The following PUDP variants were observed in gnomAD, a reference collection of about 807,000 sequenced individuals.
PUDP encodes pseudouridine 5'-phosphatase.
PUDP carries 8 observed loss-of-function variants against 9.4 expected under a neutral mutation model. That is an observed-to-expected ratio of 0.85 (90% CI 0.50 to 1.53). The LOEUF (loss-of-function observed/expected upper bound fraction) is 1.53, where lower values mean the gene tolerates loss of function less well. Among genes scored for constraint, PUDP ranks in the 40% most tolerant of loss-of-function variants. The probability of loss-of-function intolerance (pLI) is 0.00; values close to 1 mark genes in which losing one functional copy is unlikely to be tolerated. For missense variants in PUDP, 188 were observed against 189.7 expected (o/e 0.99, Z 0.05); for synonymous variants, 99 against 80.7 (o/e 1.23, Z -1.22).
chrX:6,748,752 T>C (rs1476418460), intron 3 of PUDP, among the ~76,000 whole-genome samples: 1 of 111,194 alleles, frequency 9.0e-6, no homozygotes, highest in South Asian at 3.8e-4. Flanking sequence ...TTTTGAAGAG[T>C]AGTAAATTCT....
chrX:6,763,325 G>T (rs1317360840), intron 3 of PUDP, among the ~76,000 whole-genome samples: 2 of 111,809 alleles, frequency 1.8e-5, no homozygotes, highest in African/African-American at 6.5e-5. Context: ...GGAGGCGGAG[G>T]TTGCAGTGAG....
intron 1 of PUDP, among the ~76,000 whole-genome samples, chrX:6,994,150 T>C (rs1258592152): frequency 8.9e-6 from 1 of 112,040 alleles, no homozygotes; most frequent in Admixed American, 9.4e-5. Flanking sequence ...CAGTGGCCCA[T>C]GTCAATAAAC....
At chrX:6,999,420 G>A (rs1379647978) in intron 1 of PUDP, among the ~76,000 whole-genome samples, 1 of 111,992 alleles carries the variant, frequency 8.9e-6, no homozygotes, top group Non-Finnish European at 1.9e-5. Context: ...AACACCTCAA[G>A]TTAGTATCAC....
intron 3 of PUDP, among the ~76,000 whole-genome samples, chrX:6,807,801 A>C (rs112134139): frequency 0.03 from 3,393 of 112,121 alleles, 128 homozygotes; most frequent in African/African-American, 0.1. Flanking sequence ...ATGAGGACAG[A>C]TATTCAGAAT....
chrX:7,103,061 A>G (rs1007432182), intron 2 of PUDP, among the ~76,000 whole-genome samples: 8 of 111,973 alleles, frequency 7.1e-5, no homozygotes, highest in Admixed American at 1.9e-4. Context: ...GAGCAGAAAC[A>G]GAGAAATACA....
chrX:6,755,828 T>C (rs1925162394), intron 3 of PUDP, among the ~76,000 whole-genome samples: 1 of 108,947 alleles, frequency 9.2e-6, no homozygotes, highest in South Asian at 4.0e-4. Flanking sequence ...AGTGAGAAGA[T>C]AAAGTTGATG....
chrX:7,001,788 A>AT (rs1431963827), intron 1 of PUDP, among the ~76,000 whole-genome samples: 2 of 111,940 alleles, frequency 1.8e-5, no homozygotes, highest in Non-Finnish European at 3.8e-5. Flanking sequence ...CTCAAACTAC[A>AT]TCTCACACTC....
intron 3 of PUDP, among the ~76,000 whole-genome samples, chrX:6,920,861 C>A (rs1395796053): frequency 9.0e-6 from 1 of 111,536 alleles, no homozygotes; most frequent in Admixed American, 9.5e-5. Context: ...TAACTAAGAC[C>A]TGTCTCAAAT....
intron 1 of PUDP, among the ~76,000 whole-genome samples, chrX:7,126,082 A>G (rs994921245): frequency 8.9e-6 from 1 of 112,231 alleles, no homozygotes; most frequent in Non-Finnish European, 1.9e-5. Context: ...GGCAATGTAA[A>G]TCATCATGAA....
intron 1 of PUDP, among the ~76,000 whole-genome samples, chrX:6,992,286 T>A (rs1165708781): frequency 1.1e-5 from 1 of 89,845 alleles, no homozygotes; most frequent in Non-Finnish European, 2.3e-5. Flanking sequence ...TTTTTTTTTT[T>A]TTTTGAGACG....
At chrX:6,934,894 A>G in intron 3 of PUDP, among the ~76,000 whole-genome samples, 1 of 86,508 alleles carries the variant, frequency 1.2e-5, no homozygotes, top group Non-Finnish European at 2.3e-5. Flanking sequence ...GAAGGCCATT[A>G]CATAATGGTA....
At chrX:7,119,968 A>G (rs1932296105) in intron 1 of PUDP, among the ~76,000 whole-genome samples, 1 of 112,119 alleles carries the variant, frequency 8.9e-6, no homozygotes, top group Non-Finnish European at 1.9e-5. Flanking sequence ...ATATGGATAA[A>G]GGGGCTTTCT....
chrX:7,059,155 G>A (rs1239194390), intron 3 of PUDP, among the ~76,000 whole-genome samples: 3 of 111,179 alleles, frequency 2.7e-5, no homozygotes, highest in Admixed American at 1.9e-4. Flanking sequence ...GTTGGGGGGT[G>A]GGCAGGAAAG....
chrX:7,128,861 A>T (rs1373049783), intron 1 of PUDP, among the ~76,000 whole-genome samples: 1 of 112,187 alleles, frequency 8.9e-6, no homozygotes, highest in Non-Finnish European at 1.9e-5. Flanking sequence ...CATCAGATGA[A>T]ACAGCGGGGG....
intron 3 of PUDP, among the ~76,000 whole-genome samples, chrX:6,747,122 T>C (rs752704431): frequency 1.8e-5 from 2 of 111,936 alleles, no homozygotes; most frequent in East Asian, 2.8e-4. Flanking sequence ...CGGGCATGAT[T>C]GGCCGTTTTT....
In PUDP at chrX:7,077,085, C is replaced by G. The variant is rs961115311; in HGVS notation, c.510+135G>C. On this transcript the variant is annotated intron_variant, in intron 3 of 3. Transcript: ENST00000381077. Reference sequence around the variant, plus strand: ...CAGACCATCTCCCTGCCCACATACCCAAGTTCTAGGGAGCATTGCAAAGTG... The same window carrying G: ...CAGACCATCTCCCTGCCCACATACCGAAGTTCTAGGGAGCATTGCAAAGTG... 4.9e-6 allele frequency: 5 copies of G among 1,019,479 alleles called. No homozygotes were observed. The Admixed American group carries it at 1.7e-4, about 34-fold the overall frequency. The allele number at this position is 1,019,479 out of a possible 1,213,427, so 84.0% of individuals were successfully genotyped here. A position where few individuals can be genotyped will look rare whatever the true frequency, so the allele number is the denominator to read the frequency against.
At chrX:7,048,449 T>C (rs144732669), downstream of PUDP, among the ~76,000 whole-genome samples, 596 of 112,382 alleles carry the variant, frequency 5.3e-3, 2 homozygotes, top group African/African-American at 0.018. Context: ...TTGAAGCAAT[T>C]TGGCTAATGT....
intron 1 of PUDP, among the ~76,000 whole-genome samples, chrX:6,717,578 A>G (rs1336046036): frequency 8.9e-6 from 1 of 112,014 alleles, no homozygotes. Context: ...CACAGCCTAC[A>G]TAATCCTCTC....
intron 3 of PUDP, among the ~76,000 whole-genome samples, chrX:6,876,708 CAT>C (rs1486370451): frequency 1.4e-4 from 14 of 102,725 alleles, no homozygotes; most frequent in East Asian, 3.3e-4. Flanking sequence ...TGTGTCTATA[CAT>C]ATATGTCTAT....
Sources: allele counts gnomAD v4.1 joint callset (sites outside exome capture counted in the v4.1 genomes callset), GRCh38; gene constraint gnomAD v4.1.1; transcripts MANE v1.5; gene names NCBI Gene and HGNC (gene_info 2026-07-23, HGNC 2026-07-21).